Variants in SLC30A10 observed in about 807,000 individuals in gnomAD.
The protein encoded by SLC30A10 is calcium/manganese antiporter SLC30A10.
A neutral mutation model predicts 21.7 loss-of-function variants in SLC30A10; 8 were observed. The ratio of observed to expected loss-of-function variants is 0.37; its 90% CI spans 0.22 to 0.67. The LOEUF (loss-of-function observed/expected upper bound fraction) is 0.67. Among genes scored for constraint, SLC30A10 ranks in the 30% least tolerant of loss-of-function variants. SLC30A10 has a pLI of 0.58. For missense variants in SLC30A10, 521 were observed against 642.5 expected, an observed-to-expected ratio of 0.81 and a Z score of 2.04; for synonymous variants, 272 against 279.4, an observed-to-expected ratio of 0.97 and a Z score of 0.26.
At chr1:219,955,653 A>T (rs1162677612) in intron 1 of SLC30A10, among the ~76,000 whole-genome samples, 1 of 152,192 alleles carries the variant, frequency 6.6e-6, no homozygotes, top group Non-Finnish European at 1.5e-5. Flanking sequence ...TCTACACCAG[A>T]TAGATAAGCA....
At position 219,918,621 on chromosome 1, in the gene SLC30A10, A is replaced by T. The variant is rs954618536; in HGVS notation, c.719-127T>A. ...GAGTTTTTTGGTTTTTGTTTTGGTT[A>T]GAACAGTAGGATGAATCAAAATAAT... On this transcript the variant is annotated intron_variant, in intron 2 of 3. Coordinates refer to ENST00000366926, the MANE Select transcript of SLC30A10 (RefSeq NM_018713.3). The surrounding 1 kb of genome is among the most constrained non-coding windows in gnomAD (Gnocchi z 4.4). 18 of 1,225,558 alleles carry T rather than the reference A, an allele frequency of 1.5e-5. No homozygotes were observed. The African/African-American group carries it at 2.4e-4, about 17-fold the overall frequency. The allele number at this position is 1,225,558 out of a possible 1,614,324, so 75.9% of individuals were successfully genotyped here.
intron 2 of SLC30A10, 111 bp downstream of exon 2, chr1:219,926,917 T>G: frequency 1.3e-6 from 1 of 780,576 alleles, no homozygotes. Flanking sequence ...TGCATGTAAC[T>G]GGCCTACTTT....
rs1209907977 is a variant in SLC30A10 at position 219,927,957 on chromosome 1, A to G, written c.484T>C (p.Cys162Arg). Residue 162 changes from cysteine to arginine, a missense_variant, in exon 1 of 4, where the codon TGT (cysteine) becomes CGT (arginine). By Grantham distance (180) the Cys-to-Arg change is radical. Coordinates refer to ENST00000366926, the MANE Select transcript of SLC30A10 (RefSeq NM_018713.3). ...GGCCCCCCGAAAGCGCCGGGGACAC[A>G]GCCCTCCGCCAGCTGCTGCCGCTGC... is the stretch of plus-strand genomic sequence containing the variant. ...LQQRQQLAEG[C>R]VPGAFGGPQG... The G allele has an allele frequency of 6.5e-7, 1 of 1,544,788 alleles. No homozygotes were observed. The highest frequency in any genetic ancestry group is 1.4e-5 in the African/African-American group (1 of 71,914).
At chr1:219,948,953 T>A (rs1660229981) in intron 1 of SLC30A10, among the ~76,000 whole-genome samples, 3 of 152,038 alleles carry the variant, frequency 2.0e-5, no homozygotes, top group Admixed American at 2.0e-4. Context: ...GCGAAGGACA[T>A]GAACAGACAC....
rs1659400449 is a variant in SLC30A10, at chr1:219,911,148, A to AGTTTTTTTT, written c.*4292_*4300dup. The stretch of plus-strand genomic sequence containing the variant: ...CATGTTTCTTCATTTTTTCTACATC[A>AGTTTTTTTT]GTTTTTTTTTTTTTTTTTTTTTTTT... On this transcript the variant is annotated 3_prime_UTR_variant, in exon 4 of 4. Coordinates refer to ENST00000366926, the MANE Select transcript of SLC30A10 (RefSeq NM_018713.3). 3.6e-4 allele frequency among the ~76,000 whole-genome samples: 14 copies of AGTTTTTTTT among 38,582 alleles called. No homozygotes were observed. The highest frequency in any genetic ancestry group is 1.1e-3 in the South Asian group (1 of 900). The allele number at this position is 38,582 out of a possible 152,430, so 25.3% of individuals were successfully genotyped here.
At position 219,927,959 on chromosome 1, in the gene SLC30A10, C is replaced by A. The variant is rs1441035788; in HGVS notation, c.482G>T (p.Gly161Val). The A allele has an allele frequency of 2.6e-6, 4 of 1,545,928 alleles. No homozygotes were observed. In the South Asian group the frequency reaches 3.6e-5, roughly 14 times the overall value. ...RLQQRQQLAE[G>V]CVPGAFGGPQ... is the part of the protein sequence containing the mutation. ...CCCCCCGAAAGCGCCGGGGACACAG[C>A]CCTCCGCCAGCTGCTGCCGCTGCTG... The change falls in exon 1 of 4, where the codon GGC becomes GTC. Residue 161 changes from glycine (G) to valine (V), a missense_variant. Gly to Val is a moderately radical substitution (Grantham distance 109, BLOSUM62 -3). Transcript: ENST00000366926.
At chr1:219,922,176 GTTTTTTTTTTTTTTTTTTTTTTTT>G (rs869249213) in intron 2 of SLC30A10, among the ~76,000 whole-genome samples, 1 of 36,406 alleles carries the variant, frequency 2.7e-5, no homozygotes, top group Admixed American at 3.7e-4. Context: ...GTGTGTGTGT[GTTTTTTTTTTTTTTTTTTTTTTTT>G]TTTTTTTTTT....
At chr1:219,955,978 T>A (rs1235915051) in intron 1 of SLC30A10, among the ~76,000 whole-genome samples, 1 of 152,176 alleles carries the variant, frequency 6.6e-6, no homozygotes, top group Non-Finnish European at 1.5e-5. Context: ...TGATATCAGG[T>A]TAATGTCAAT....
At chr1:219,923,734 C>T (rs2102530990) in intron 2 of SLC30A10, among the ~76,000 whole-genome samples, 1 of 152,298 alleles carries the variant, frequency 6.6e-6, no homozygotes, top group East Asian at 1.9e-4. Context: ...TTTTACCATA[C>T]TTTACAGTAG....
intron 1 of SLC30A10, among the ~76,000 whole-genome samples, chr1:219,939,038 G>T (rs1660082099): frequency 6.6e-6 from 1 of 152,178 alleles, no homozygotes. Context: ...ACTGTGCAAA[G>T]AAAATGAGAG....
chr1:219,935,808 G>A (rs569582648), intron 1 of SLC30A10, among the ~76,000 whole-genome samples: 30 of 152,190 alleles, frequency 2.0e-4, no homozygotes, highest in Middle Eastern at 3.4e-3. Flanking sequence ...ATAAAATCAT[G>A]TATGTCCCCT....
intron 2 of SLC30A10, among the ~76,000 whole-genome samples, chr1:219,926,466 T>C (rs370826711): frequency 8.8e-4 from 131 of 149,340 alleles, no homozygotes; most frequent in African/African-American, 3.2e-3. Context: ...CTGACCTTAG[T>C]CCAGTGCTTC....
intron 2 of SLC30A10, among the ~76,000 whole-genome samples, chr1:219,925,307 G>A (rs1446765991): frequency 6.6e-6 from 1 of 152,062 alleles, no homozygotes; most frequent in Non-Finnish European, 1.5e-5. Flanking sequence ...GCCGAGGCGG[G>A]CAGATTGCCT....
chr1:219,951,027 C>A (rs2102546819), intron 1 of SLC30A10, among the ~76,000 whole-genome samples: 1 of 152,292 alleles, frequency 6.6e-6, no homozygotes, highest in East Asian at 1.9e-4. Context: ...CTCACTGCAG[C>A]CTTGATAAGA....
chr1:219,952,180 A>AGCCACCACC (rs1464409269), intron 1 of SLC30A10, among the ~76,000 whole-genome samples: 4 of 152,100 alleles, frequency 2.6e-5, no homozygotes, highest in Non-Finnish European at 5.9e-5. Flanking sequence ...AATCACTACC[A>AGCCACCACC]GCCACCACCA....
chr1:219,933,908 T>G (rs2102539469), intron 1 of SLC30A10, among the ~76,000 whole-genome samples: 1 of 152,196 alleles, frequency 6.6e-6, no homozygotes, highest in East Asian at 1.9e-4. Flanking sequence ...ATCCCAGCAC[T>G]TTGTGGGGCC....
rs186079404 is a variant in SLC30A10 at position 219,913,762 on chromosome 1, C to T, written c.*1687G>A. 1.3e-5 allele frequency: 2 copies of T among 152,220 alleles called. No individual in the cohort carries two copies. The highest frequency in any genetic ancestry group is 1.3e-4 in the Admixed American group (2 of 15,298). 9.4% of individuals were successfully genotyped at this position (152,220 alleles called of 1,614,324 possible). A position where few individuals can be genotyped will look rare whatever the true frequency, so the allele number is the denominator to read the frequency against. Reference sequence around the variant, plus strand: ...TTACCTACTTCACAGCCAATTTAAACTCAGATAATACATTTTCAAGGAATA... The same window carrying T: ...TTACCTACTTCACAGCCAATTTAAATTCAGATAATACATTTTCAAGGAATA... On this transcript the variant is annotated 3_prime_UTR_variant, in exon 4 of 4. Coordinates refer to ENST00000366926, the MANE Select transcript of SLC30A10 (RefSeq NM_018713.3).
chr1:219,912,561 G>A lies in SLC30A10; in HGVS notation c.*2888C>T, dbSNP rs1419634439. Among the ~76,000 whole-genome samples the A allele has an allele frequency of 1.3e-5, 2 of 152,146 alleles. No individual in the cohort carries two copies. The highest frequency in any genetic ancestry group is 2.1e-4 in the South Asian group (1 of 4,830). ...AAAATTATGTCAGTTCTGGCCGGGC[G>A]CAGTGGCTTACGCCTGTAATCCCAG... On this transcript the variant is annotated 3_prime_UTR_variant, in exon 4 of 4. Coordinates refer to ENST00000366926, the MANE Select transcript of SLC30A10 (RefSeq NM_018713.3).
intron 1 of SLC30A10, among the ~76,000 whole-genome samples, chr1:219,944,879 T>C (rs1198735709): frequency 6.6e-6 from 1 of 152,126 alleles, no homozygotes; most frequent in African/African-American, 2.4e-5. Context: ...GCCCCAACCT[T>C]CAATAATTGC....
Sources: gnomAD v4.1 joint callset for allele counts (sites outside exome capture counted in the v4.1 genomes callset) on GRCh38, gnomAD v4.1.1 for gene constraint, Gnocchi (gnomAD v3.1) non-coding constraint, MANE v1.5 for transcripts, NCBI Gene and HGNC (gene_info 2026-07-23, HGNC 2026-07-21) for gene names.